Variants in ENTREP2 observed in about 807,000 individuals in gnomAD.
ENTREP2 encodes the protein endosomal transmembrane epsin interactor 2.
chr15:29,415,680 C>T, the ENTREP2 span, among the ~76,000 whole-genome samples: 1 of 152,072 alleles, frequency 6.6e-6, no homozygotes, highest in Non-Finnish European at 1.5e-5. Context: ...AGATAAACGG[C>T]ATTCAATTAG....
chr15:29,348,486 A>T, the ENTREP2 span, among the ~76,000 whole-genome samples: 1 of 152,150 alleles, frequency 6.6e-6, no homozygotes, highest in Admixed American at 6.5e-5. Context: ...GCTGGAGAGG[A>T]GAATCCAGGA....
chr15:29,234,269 A>C, the ENTREP2 span: 1 of 1,612,660 alleles, frequency 6.2e-7, no homozygotes, highest in Admixed American at 1.7e-5. Flanking sequence ...AGGAGTTTTA[A>C]GTTCTCGTGC....
chr15:29,406,533 G>A, the ENTREP2 span, among the ~76,000 whole-genome samples: 1 of 151,854 alleles, frequency 6.6e-6, no homozygotes, highest in Admixed American at 6.6e-5. Flanking sequence ...GGGCGACAGA[G>A]CGAAACTCTG....
At chr15:29,492,763 G>A in the ENTREP2 span, among the ~76,000 whole-genome samples, 1 of 152,064 alleles carries the variant, frequency 6.6e-6, no homozygotes, top group Non-Finnish European at 1.5e-5. Context: ...CAGCACTTTG[G>A]GAGGCCAAAG....
chr15:29,231,894 CTT>C, the ENTREP2 span, among the ~76,000 whole-genome samples: 3 of 134,638 alleles, frequency 2.2e-5, no homozygotes, highest in Admixed American at 8.0e-5. Flanking sequence ...TCTTTTCTTT[CTT>C]TTTTTTTTTT....
chr15:29,516,379 A>G, the ENTREP2 span, among the ~76,000 whole-genome samples: 4 of 152,232 alleles, frequency 2.6e-5, no homozygotes, highest in Non-Finnish European at 4.4e-5. Flanking sequence ...AAATGCATGG[A>G]TCTATACATA....
the ENTREP2 span, chr15:29,375,983 T>G: frequency 3.9e-5 from 6 of 152,178 alleles, no homozygotes; most frequent in African/African-American, 4.8e-5. Context: ...GCCAGATCCC[T>G]CAAACAATGT....
At chr15:29,351,894 C>T in the ENTREP2 span, among the ~76,000 whole-genome samples, 2 of 152,114 alleles carry the variant, frequency 1.3e-5, no homozygotes, top group African/African-American at 4.8e-5. Flanking sequence ...CTACCTCCAC[C>T]TCCCAAAGCA....
the ENTREP2 span, among the ~76,000 whole-genome samples, chr15:29,332,081 T>C: frequency 6.6e-6 from 1 of 152,192 alleles, no homozygotes; most frequent in Non-Finnish European, 1.5e-5. Flanking sequence ...TAAGATAAAG[T>C]GCACTGCTCA....
the ENTREP2 span, among the ~76,000 whole-genome samples, chr15:29,479,555 C>G: frequency 6.6e-6 from 1 of 151,972 alleles, no homozygotes; most frequent in Non-Finnish European, 1.5e-5. Context: ...GTACCTGCTC[C>G]CCACTACTCC....
the ENTREP2 span, among the ~76,000 whole-genome samples, chr15:29,604,613 A>G: frequency 6.6e-6 from 1 of 152,232 alleles, no homozygotes; most frequent in Non-Finnish European, 1.5e-5. Context: ...TACATTGAAA[A>G]GGAGTAAACT....
the ENTREP2 span, among the ~76,000 whole-genome samples, chr15:29,207,048 A>C: frequency 6.6e-6 from 1 of 152,166 alleles, no homozygotes; most frequent in Admixed American, 6.5e-5. Flanking sequence ...CGAGTGGCTC[A>C]AAGCTACTCG....
chr15:29,219,614 AATATATATATATATATATATATATATAT>A, the ENTREP2 span, among the ~76,000 whole-genome samples: 25 of 38,412 alleles, frequency 6.5e-4, no homozygotes, highest in South Asian at 8.6e-3. Context: ...GTGGTGCATA[AATATATATATATATATATATATATATAT>A]ATATATATAT....
the ENTREP2 span, among the ~76,000 whole-genome samples, chr15:29,438,342 C>T: frequency 6.6e-6 from 1 of 152,176 alleles, no homozygotes; most frequent in Non-Finnish European, 1.5e-5. Context: ...AATGGACTCC[C>T]CGTGGCTAAC....
At chr15:29,122,352 G>C in the ENTREP2 span, 2 of 151,648 alleles carry the variant, frequency 1.3e-5, no homozygotes, top group Admixed American at 6.6e-5. Flanking sequence ...GTGTGGGTTT[G>C]TAAGTGGTTT....
the ENTREP2 span, among the ~76,000 whole-genome samples, chr15:29,359,235 G>C: frequency 6.6e-6 from 1 of 152,170 alleles, no homozygotes; most frequent in African/African-American, 2.4e-5. Context: ...ACGAAGGAGT[G>C]TTTTCTAAGC....
the ENTREP2 span, among the ~76,000 whole-genome samples, chr15:29,572,296 A>G: frequency 1.3e-5 from 2 of 152,220 alleles, no homozygotes; most frequent in African/African-American, 4.8e-5. Context: ...CTTATCTTTA[A>G]CAGGACTAAG....
At chr15:29,481,485 A>C in the ENTREP2 span, among the ~76,000 whole-genome samples, 1 of 152,186 alleles carries the variant, frequency 6.6e-6, no homozygotes, top group East Asian at 1.9e-4. Flanking sequence ...ATTATACAAA[A>C]AAATAGTATT....
chr15:29,143,433 G>A, the ENTREP2 span, among the ~76,000 whole-genome samples: 1 of 152,214 alleles, frequency 6.6e-6, no homozygotes, highest in South Asian at 2.1e-4. Flanking sequence ...AGAGTTGCCA[G>A]GCTGCAGGGC....
Sources: gnomAD v4.1 joint callset for allele counts (sites outside exome capture counted in the v4.1 genomes callset) on GRCh38, gnomAD v4.1.1 for gene constraint, MANE v1.5 for transcripts, NCBI Gene and HGNC (gene_info 2026-07-23, HGNC 2026-07-21) for gene names.